Variants in LUZP2 observed in about 807,000 individuals in gnomAD.
LUZP2 encodes leucine zipper protein 2.
LUZP2 carries 52 observed loss-of-function variants against 51.6 expected under a neutral mutation model. That is an observed-to-expected ratio of 1.01 (90% CI 0.81 to 1.27). LUZP2 has a LOEUF of 1.27. LUZP2 is among the 50% of genes most tolerant of loss of function. The pLI is 0.00. For synonymous variants in LUZP2, 154 were observed against 137.3 expected, an observed-to-expected ratio of 1.12 and a Z score of -0.85; for missense variants, 436 against 395.4, an observed-to-expected ratio of 1.10 and a Z score of -0.87.
intron 9 of LUZP2, among the ~76,000 whole-genome samples, chr11:25,039,351 G>T (rs968825564): frequency 4.6e-5 from 7 of 152,246 alleles, no homozygotes; most frequent in Admixed American, 4.6e-4. Context: ...TGCACTTGAG[G>T]CTACACTGTG....
chr11:24,685,500 C>A (rs1337761518), intron 1 of LUZP2, among the ~76,000 whole-genome samples: 2 of 152,244 alleles, frequency 1.3e-5, no homozygotes, highest in South Asian at 4.1e-4. Flanking sequence ...TCCCACTGTT[C>A]CTCTGCATGT....
At chr11:25,007,419 A>G (rs774974305) in intron 9 of LUZP2, among the ~76,000 whole-genome samples, 7 of 152,184 alleles carry the variant, frequency 4.6e-5, no homozygotes, top group African/African-American at 7.2e-5. Flanking sequence ...CCTGGCTAAC[A>G]TGGTGAAACC....
intron 7 of LUZP2, among the ~76,000 whole-genome samples, chr11:24,928,645 G>A (rs1590743299): frequency 6.6e-6 from 1 of 152,024 alleles, no homozygotes. Context: ...ATTTTGTTAA[G>A]GATTTTTGCA....
At position 25,078,696 on chromosome 11, in the gene LUZP2, T is replaced by C. The variant is rs1238122917; in HGVS notation, c.*38T>C. 2.8e-6 allele frequency: 4 copies of C among 1,439,634 alleles called. No homozygotes were observed. The highest frequency in any genetic ancestry group is 2.0e-5 in the Admixed American group (1 of 50,632). 89.2% of individuals were successfully genotyped at this position (1,439,634 alleles called of 1,614,324 possible). A position where few individuals can be genotyped will look rare whatever the true frequency, so the allele number is the denominator to read the frequency against. On this transcript the variant is annotated 3_prime_UTR_variant, in exon 12 of 12. Transcript: ENST00000336930. The stretch of plus-strand genomic sequence containing the variant: ...TGTGTTAAAAACGTCCATTTGCTAT[T>C]GTCTTCATATTCTTTTTAGACCACA...
intron 1 of LUZP2, among the ~76,000 whole-genome samples, chr11:24,614,841 A>G (rs184817363): frequency 3.1e-4 from 47 of 151,952 alleles, no homozygotes; most frequent in African/African-American, 1.1e-3. Flanking sequence ...TGTTAATTTG[A>G]TTACTTCTTT....
chr11:24,795,486 G>T (rs1849521439), intron 5 of LUZP2, among the ~76,000 whole-genome samples: 1 of 152,120 alleles, frequency 6.6e-6, no homozygotes, highest in African/African-American at 2.4e-5. Context: ...ATTTTCAAGA[G>T]TTTTATTACA....
chr11:24,807,024 C>CAAAAAAA (rs34565471), intron 5 of LUZP2, among the ~76,000 whole-genome samples: 45 of 110,262 alleles, frequency 4.1e-4, no homozygotes, highest in African/African-American at 1.5e-3. Flanking sequence ...GAAAATCCAC[C>CAAAAAAA]AAAAAAAAAA....
chr11:24,673,117 G>A (rs1363198517), intron 1 of LUZP2, among the ~76,000 whole-genome samples: 2 of 151,970 alleles, frequency 1.3e-5, no homozygotes, highest in African/African-American at 4.8e-5. Context: ...CTCCATCCAT[G>A]GAAAAATTGT....
chr11:24,594,352 C>G (rs1208462594), intron 1 of LUZP2, among the ~76,000 whole-genome samples: 1 of 152,142 alleles, frequency 6.6e-6, no homozygotes, highest in Non-Finnish European at 1.5e-5. Flanking sequence ...GAAACTCAGG[C>G]AGTGTACTAT....
At chr11:24,881,410 C>T (rs1033896555) in intron 5 of LUZP2, among the ~76,000 whole-genome samples, 4 of 151,814 alleles carry the variant, frequency 2.6e-5, no homozygotes, top group African/African-American at 9.7e-5. Flanking sequence ...TATTTGTCTG[C>T]ATCTGCAAGG....
chr11:24,602,159 T>TGTATATATGTATATATGTAC (rs1853708658), intron 1 of LUZP2, among the ~76,000 whole-genome samples: 12 of 122,154 alleles, frequency 9.8e-5, no homozygotes, highest in African/African-American at 4.0e-4. Context: ...TGTATATATG[T>TGTATATATGTATATATGTAC]ATATATGTGT....
intron 3 of LUZP2, among the ~76,000 whole-genome samples, chr11:24,734,641 C>T (rs188935210): frequency 4.0e-5 from 6 of 151,850 alleles, no homozygotes; most frequent in South Asian, 2.1e-4. Context: ...GTGATGCATT[C>T]GTTTTTTGCT....
intron 1 of LUZP2, among the ~76,000 whole-genome samples, chr11:24,637,443 C>A (rs117429355): frequency 6.6e-6 from 1 of 151,768 alleles, no homozygotes; most frequent in South Asian, 2.1e-4. Context: ...AGAATAACAG[C>A]TATTTTCAGA....
intron 5 of LUZP2, among the ~76,000 whole-genome samples, chr11:24,849,356 C>T (rs1406156096): frequency 6.6e-6 from 1 of 152,114 alleles, no homozygotes; most frequent in East Asian, 1.9e-4. Flanking sequence ...GTTCAACTCT[C>T]ATTTATGAGT....
chr11:24,720,295 T>A (rs10834450), intron 1 of LUZP2, among the ~76,000 whole-genome samples: 32,479 of 152,012 alleles, frequency 0.21, 4,329 homozygotes, highest in East Asian at 0.44. Context: ...AAAACTTAGA[T>A]ACCAAGCTTT....
intron 9 of LUZP2, among the ~76,000 whole-genome samples, chr11:25,003,550 C>G (rs1856752629): frequency 6.6e-6 from 1 of 152,138 alleles, no homozygotes. Flanking sequence ...TTTTGTACTC[C>G]TAGAATTGGG....
At chr11:24,596,472 G>T (rs1234977058) in intron 1 of LUZP2, among the ~76,000 whole-genome samples, 1 of 152,114 alleles carries the variant, frequency 6.6e-6, no homozygotes, top group South Asian at 2.1e-4. Context: ...CCAGTTTAGG[G>T]AACAGCAGCA....
At chr11:24,608,327 G>T (rs1463901057) in intron 1 of LUZP2, among the ~76,000 whole-genome samples, 1 of 152,138 alleles carries the variant, frequency 6.6e-6, no homozygotes, top group Non-Finnish European at 1.5e-5. Context: ...AAGGTCATCA[G>T]ACACTATACA....
At chr11:24,609,729 CAAAAAAAAAAAAA>C (rs34436907) in intron 1 of LUZP2, among the ~76,000 whole-genome samples, 5 of 65,896 alleles carry the variant, frequency 7.6e-5, no homozygotes, top group African/African-American at 1.5e-4. Context: ...GACTCCAGCT[CAAAAAAAAAAAAA>C]AAAAAAAAAA....
Sources: allele counts gnomAD v4.1 joint callset (sites outside exome capture counted in the v4.1 genomes callset), GRCh38; gene constraint gnomAD v4.1.1; transcripts MANE v1.5; gene names NCBI Gene and HGNC (gene_info 2026-07-23, HGNC 2026-07-21).